MACROD2: variants seen among roughly 807,000 people sequenced by gnomAD.
MACROD2 encodes the protein ADP-ribose glycohydrolase MACROD2.
Under a neutral mutation model 70.4 loss-of-function variants are expected in MACROD2, and 36 were observed. The ratio of observed to expected loss-of-function variants is 0.51; its 90% CI spans 0.39 to 0.68. The LOEUF is 0.68. MACROD2 is among the 30% of genes least tolerant of loss of function. MACROD2 has a pLI of 0.00. For missense variants in MACROD2, 496 were observed against 538.4 expected, an observed-to-expected ratio of 0.92 and a Z score of 0.78; for synonymous variants, 172 against 178.8, an observed-to-expected ratio of 0.96 and a Z score of 0.30.
At chr20:14,525,333 A>G (rs2085219151) in intron 4 of MACROD2, among the ~76,000 whole-genome samples, 1 of 152,212 alleles carries the variant, frequency 6.6e-6, no homozygotes, top group Non-Finnish European at 1.5e-5. Flanking sequence ...ATTCAATTCC[A>G]AGCTGTTAAA....
intron 8 of MACROD2, among the ~76,000 whole-genome samples, chr20:15,620,537 C>A (rs1568933409): frequency 6.6e-6 from 1 of 152,156 alleles, no homozygotes; most frequent in African/African-American, 2.4e-5. Context: ...AATATGTCAG[C>A]TATGAAGAAC....
At chr20:14,442,972 G>T (rs527599798) in intron 3 of MACROD2, among the ~76,000 whole-genome samples, 1 of 151,868 alleles carries the variant, frequency 6.6e-6, no homozygotes, top group East Asian at 2.0e-4. Context: ...CTAGCTACTC[G>T]GGAGGCTGAG....
rs567656310 is a variant in MACROD2, at chr20:14,064,741, C to T, written c.164-20880C>T. On this transcript the variant is annotated intron_variant, in intron 2 of 17. Transcript: ENST00000684519. ...GGTTAAATGGGTCAGTGATTTTCTTCTACTGGTATTTGGTGGGCAGCAGCT... is the reference window on the plus strand; with the variant it reads ...GGTTAAATGGGTCAGTGATTTTCTTTTACTGGTATTTGGTGGGCAGCAGCT... 2.0e-5 allele frequency among the ~76,000 whole-genome samples: 3 copies of T among 152,244 alleles called. No individual in the cohort carries two copies. The South Asian group carries it at 6.2e-4, about 32-fold the overall frequency.
chr20:15,818,279 T>C (rs1050766115), intron 8 of MACROD2, among the ~76,000 whole-genome samples: 1 of 152,214 alleles, frequency 6.6e-6, no homozygotes, highest in African/African-American at 2.4e-5. Flanking sequence ...CGACTGAGTA[T>C]ACTTATAGTT....
chr20:16,009,180 C>A (rs1011831729), intron 15 of MACROD2, among the ~76,000 whole-genome samples: 1 of 152,154 alleles, frequency 6.6e-6, no homozygotes, highest in Non-Finnish European at 1.5e-5. Context: ...GAAGAAAACA[C>A]GAATGGAGGT....
At chr20:15,769,583 CAT>C (rs1426605361) in intron 8 of MACROD2, among the ~76,000 whole-genome samples, 2 of 152,090 alleles carry the variant, frequency 1.3e-5, no homozygotes, top group African/African-American at 4.8e-5. Flanking sequence ...TAATAGTGCA[CAT>C]GAGTAGTTGT....
chr20:15,664,451 C>T (rs2049868611), intron 8 of MACROD2, among the ~76,000 whole-genome samples: 1 of 152,122 alleles, frequency 6.6e-6, no homozygotes, highest in African/African-American at 2.4e-5. Flanking sequence ...TGAATTTAGT[C>T]AGTGTATCAA....
chr20:15,543,084 A>T (rs1304387815), intron 8 of MACROD2, among the ~76,000 whole-genome samples: 1 of 152,152 alleles, frequency 6.6e-6, no homozygotes, highest in Non-Finnish European at 1.5e-5. Flanking sequence ...ACTGACTACA[A>T]TGTTTACTCT....
intron 5 of MACROD2, among the ~76,000 whole-genome samples, chr20:14,920,392 T>C (rs867933885): frequency 3.2e-4 from 48 of 152,200 alleles, no homozygotes; most frequent in Admixed American, 2.6e-3. Context: ...TTATCTAATG[T>C]TTCCTAAATG....
intron 3 of MACROD2, among the ~76,000 whole-genome samples, chr20:14,365,376 AT>A (rs1379276886): frequency 6.6e-6 from 1 of 151,292 alleles, no homozygotes; most frequent in Non-Finnish European, 1.5e-5. Context: ...TAACATACTT[AT>A]ATTGTTATAA....
chr20:14,867,674 T>C (rs918665501), intron 5 of MACROD2, among the ~76,000 whole-genome samples: 4 of 152,072 alleles, frequency 2.6e-5, no homozygotes, highest in Admixed American at 2.0e-4. Flanking sequence ...GATATATTGG[T>C]GTATTTTGGT....
intron 8 of MACROD2, among the ~76,000 whole-genome samples, chr20:15,670,179 C>T (rs1158630086): frequency 3.3e-5 from 5 of 152,140 alleles, no homozygotes; most frequent in South Asian, 2.1e-4. Flanking sequence ...AAGGTTAAAA[C>T]GAAGGAATCG....
chr20:15,170,494 G>C (rs925949978), intron 5 of MACROD2, among the ~76,000 whole-genome samples: 1 of 152,154 alleles, frequency 6.6e-6, no homozygotes, highest in Admixed American at 6.5e-5. Context: ...GGTCTGGTGG[G>C]CCTGGTAGTC....
At chr20:14,709,868 T>A (rs1475924990) in intron 5 of MACROD2, among the ~76,000 whole-genome samples, 1 of 152,230 alleles carries the variant, frequency 6.6e-6, no homozygotes, top group East Asian at 1.9e-4. Context: ...TTTCTGAAGT[T>A]GAAGTTGGAT....
intron 5 of MACROD2, among the ~76,000 whole-genome samples, chr20:15,178,106 G>T (rs923671680): frequency 1.3e-5 from 2 of 152,192 alleles, no homozygotes; most frequent in African/African-American, 4.8e-5. Context: ...AGAAAAATAT[G>T]AGAGTGAATG....
At chr20:15,164,772 G>T (rs1304514663) in intron 5 of MACROD2, among the ~76,000 whole-genome samples, 1 of 152,076 alleles carries the variant, frequency 6.6e-6, no homozygotes, top group African/African-American at 2.4e-5. Flanking sequence ...ATGGTGGCTT[G>T]TGCCTGTAGT....
chr20:14,027,736 G>C (rs922632091), intron 2 of MACROD2, among the ~76,000 whole-genome samples: 1 of 152,188 alleles, frequency 6.6e-6, no homozygotes, highest in African/African-American at 2.4e-5. Flanking sequence ...GGTATCACCA[G>C]CAGAGGCTGC....
At chr20:14,575,084 A>T (rs1980507543) in intron 4 of MACROD2, among the ~76,000 whole-genome samples, 1 of 151,180 alleles carries the variant, frequency 6.6e-6, no homozygotes, top group Non-Finnish European at 1.5e-5. Flanking sequence ...TTCCACTTTT[A>T]AAAATGATAG....
intron 5 of MACROD2, among the ~76,000 whole-genome samples, chr20:15,099,397 C>T (rs962293373): frequency 2.6e-5 from 4 of 152,116 alleles, no homozygotes; most frequent in African/African-American, 7.2e-5. Context: ...AAATCTCTCT[C>T]TCCACACACC....
Sources: gnomAD v4.1 joint callset for allele counts (sites outside exome capture counted in the v4.1 genomes callset) on GRCh38, gnomAD v4.1.1 for gene constraint, MANE v1.5 for transcripts, NCBI Gene and HGNC (gene_info 2026-07-23, HGNC 2026-07-21) for gene names.